The following ANGPT1 variants were observed in gnomAD, a reference collection of about 807,000 sequenced individuals.
ANGPT1 encodes angiopoietin 1.
Under a neutral mutation model 62.2 loss-of-function variants are expected in ANGPT1, and 17 were observed. The ratio of observed to expected loss-of-function variants is 0.27; its 90% CI spans 0.19 to 0.41. The LOEUF is 0.41. Among genes scored for constraint, ANGPT1 ranks in the 10% least tolerant of loss-of-function variants. ANGPT1 has a pLI of 1.00. For synonymous variants in ANGPT1, 199 were observed against 198.9 expected (o/e 1.00, Z 0.00); for missense variants, 478 against 594.9 (o/e 0.80, Z 2.04).
rs546751606 is a variant in ANGPT1, at chr8:107,281,921, A to G, written c.1205+2761T>C. On this transcript the variant is annotated intron_variant, in intron 7 of 8. Transcript: ENST00000517746. The stretch of plus-strand genomic sequence containing the variant: ...CAATTGATCACAAAGACACACGCCA[A>G]TTCAGAGGGACGAGACATGAATGGA... 2.6e-5 allele frequency among the ~76,000 whole-genome samples: 4 copies of G among 152,146 alleles called. No individual in the cohort carries two copies. In the South Asian group the frequency reaches 8.3e-4, roughly 32 times the overall value.
intron 1 of ANGPT1, among the ~76,000 whole-genome samples, chr8:107,399,092 A>G (rs1172369066): frequency 6.6e-6 from 1 of 152,208 alleles, no homozygotes; most frequent in East Asian, 1.9e-4. Flanking sequence ...TATTACTTCT[A>G]TTGGTAATAG....
chr8:107,261,048 G>T (rs1485336088), intron 8 of ANGPT1, among the ~76,000 whole-genome samples: 1 of 152,026 alleles, frequency 6.6e-6, no homozygotes, highest in African/African-American at 2.4e-5. Context: ...TTTACTGTTG[G>T]TTTTTTCATG....
chr8:107,284,955 G>A (rs1223288907), intron 6 of ANGPT1, 107 bp from the exon 7 acceptor site: 4 of 961,712 alleles, frequency 4.2e-6, no homozygotes, highest in Non-Finnish European at 5.5e-6. Context: ...AAAAAGTAAA[G>A]GTTTTTGTTT....
chr8:107,489,116 T>A (rs1484365262), intron 1 of ANGPT1, among the ~76,000 whole-genome samples: 1 of 152,186 alleles, frequency 6.6e-6, no homozygotes, highest in Non-Finnish European at 1.5e-5. Context: ...TTTTACAATA[T>A]GCCATCCTTC....
chr8:107,466,829 T>C (rs920915073), intron 1 of ANGPT1, among the ~76,000 whole-genome samples: 7 of 152,018 alleles, frequency 4.6e-5, no homozygotes, highest in African/African-American at 1.7e-4. Context: ...AGAGAATTGC[T>C]TGAACCCAGG....
At chr8:107,408,255 T>C (rs934742355) in intron 1 of ANGPT1, among the ~76,000 whole-genome samples, 2 of 152,214 alleles carry the variant, frequency 1.3e-5, no homozygotes, top group Admixed American at 6.5e-5. Context: ...TTTATCCATA[T>C]GTTTCTAGTT....
intron 1 of ANGPT1, among the ~76,000 whole-genome samples, chr8:107,483,010 G>A (rs887942052): frequency 1.3e-5 from 2 of 151,984 alleles, no homozygotes; most frequent in Admixed American, 6.6e-5. Flanking sequence ...AATATTTGGT[G>A]AATTATTTGA....
intron 2 of ANGPT1, among the ~76,000 whole-genome samples, chr8:107,339,070 T>C (rs1297360137): frequency 6.6e-6 from 1 of 152,200 alleles, no homozygotes; most frequent in Non-Finnish European, 1.5e-5. Flanking sequence ...GTAAGTATTC[T>C]CCTCCATGTC....
intron 1 of ANGPT1, among the ~76,000 whole-genome samples, chr8:107,419,496 T>C (rs573989389): frequency 1.3e-5 from 2 of 152,322 alleles, no homozygotes; most frequent in Admixed American, 6.5e-5. Context: ...TCCATGACTT[T>C]CCACTCTTCA....
At chr8:107,362,682 T>C (rs919055242) in intron 1 of ANGPT1, among the ~76,000 whole-genome samples, 10 of 152,218 alleles carry the variant, frequency 6.6e-5, no homozygotes, top group Non-Finnish European at 1.2e-4. Context: ...CACAGAGATG[T>C]GTTTAATATG....
At chr8:107,453,847 A>G (rs2130460478) in intron 1 of ANGPT1, among the ~76,000 whole-genome samples, 1 of 136,254 alleles carries the variant, frequency 7.3e-6, no homozygotes. Context: ...TGCACATAGT[A>G]TATGCTGAGA....
At position 107,310,936 on chromosome 8, in the gene ANGPT1, AGT is replaced by A. The variant is rs35357623; in HGVS notation, c.809-7571_809-7570del. Among the ~76,000 whole-genome samples the A allele has an allele frequency of 7.1e-4, 100 of 140,542 alleles. 1 individual carries two copies. The highest frequency in any genetic ancestry group is 1.9e-3 in the East Asian group (9 of 4,764). 92.2% of individuals were successfully genotyped at this position (140,542 alleles called of 152,430 possible). ...GTGTGTGTGTGTATGTGTTAGTGTG[AGT>A]GTGTGTGTGTGTATGTATGTGTGTG... is the stretch of plus-strand genomic sequence containing the variant. On this transcript the variant is annotated intron_variant, in intron 4 of 8. Transcript: ENST00000517746.
chr8:107,444,722 A>G (rs1362270180), intron 1 of ANGPT1, among the ~76,000 whole-genome samples: 2 of 152,144 alleles, frequency 1.3e-5, no homozygotes, highest in African/African-American at 4.8e-5. Context: ...CAGTTTTATT[A>G]CTTCACAATG....
At chr8:107,406,899 A>AAG (rs1554590834) in intron 1 of ANGPT1, among the ~76,000 whole-genome samples, 21 of 150,710 alleles carry the variant, frequency 1.4e-4, no homozygotes, top group Non-Finnish European at 2.4e-4. Context: ...AAAAAAAAAA[A>AAG]GCAATTCTAC....
At chr8:107,322,651 A>G (rs182615508) in intron 3 of ANGPT1, 1 of 220,106 alleles carries the variant, frequency 4.5e-6, no homozygotes, top group African/African-American at 2.4e-5. Context: ...AGAAATAAAG[A>G]GAAAAATATG....
At chr8:107,361,056 C>T (rs10102071) in intron 1 of ANGPT1, among the ~76,000 whole-genome samples, 1,570 of 152,270 alleles carry the variant, frequency 0.01, 35 homozygotes, top group African/African-American at 0.035. Context: ...TCTTCACGTG[C>T]ATATGGATTA....
At chr8:107,457,225 T>C (rs1237457178) in intron 1 of ANGPT1, among the ~76,000 whole-genome samples, 1 of 152,090 alleles carries the variant, frequency 6.6e-6, no homozygotes, top group African/African-American at 2.4e-5. Context: ...TATGCAAATC[T>C]AAAACTCCTG....
chr8:107,254,699 G>A (rs1813319029), intron 8 of ANGPT1, among the ~76,000 whole-genome samples: 1 of 152,098 alleles, frequency 6.6e-6, no homozygotes, highest in Non-Finnish European at 1.5e-5. Context: ...GATGTGTAGG[G>A]ACATCAGTGC....
chr8:107,403,158 T>C (rs1817078923), intron 1 of ANGPT1, among the ~76,000 whole-genome samples: 2 of 152,172 alleles, frequency 1.3e-5, no homozygotes, highest in African/African-American at 4.8e-5. Flanking sequence ...ATGATTGACA[T>C]AGTTTTTTTC....
Sources: allele counts gnomAD v4.1 joint callset (sites outside exome capture counted in the v4.1 genomes callset), GRCh38; gene constraint gnomAD v4.1.1; transcripts MANE v1.5; gene names NCBI Gene and HGNC (gene_info 2026-07-23, HGNC 2026-07-21).